SMAD3: variants seen among roughly 807,000 people sequenced by gnomAD.
SMAD3 encodes MAD homolog 3.
A neutral mutation model predicts 51.8 loss-of-function variants in SMAD3; 12 were observed. That is an observed-to-expected ratio of 0.23 (90% CI 0.15 to 0.38). The LOEUF is 0.38. Among genes scored for constraint, SMAD3 ranks in the 10% least tolerant of loss-of-function variants. The pLI, the probability that SMAD3 is intolerant of heterozygous loss-of-function variation, is 1.00. For missense variants in SMAD3, 294 were observed against 565.6 expected (o/e 0.52, Z 4.87); for synonymous variants, 238 against 227.7 (o/e 1.05, Z -0.41).
At chr15:67,170,461 G>A in intron 4 of SMAD3, 93 bp from the exon 5 acceptor site, 1 of 1,033,836 alleles carries the variant, frequency 9.7e-7, no homozygotes, top group South Asian at 1.3e-5. Context: ...CTGCTGTGTT[G>A]GGCTACCCCT....
intron 1 of SMAD3, among the ~76,000 whole-genome samples, chr15:67,144,196 G>C (rs1282837881): frequency 1.3e-5 from 2 of 151,882 alleles, no homozygotes; most frequent in African/African-American, 4.8e-5. Context: ...CTGATCTGCT[G>C]TTATTATACA....
chr15:67,121,217 G>A (rs79503421), intron 1 of SMAD3, among the ~76,000 whole-genome samples: 4,590 of 152,344 alleles, frequency 0.03, 236 homozygotes, highest in African/African-American at 0.11. Context: ...ACCCTCCGGC[G>A]TGGAGCCCAG....
chr15:67,152,903 T>A (rs1029672015), intron 1 of SMAD3, among the ~76,000 whole-genome samples: 1 of 152,184 alleles, frequency 6.6e-6, no homozygotes, highest in Non-Finnish European at 1.5e-5. Context: ...TCCTTCAATA[T>A]TTAACCGTCT....
chr15:67,158,024 C>T lies in SMAD3; in HGVS notation c.207-6871C>T, dbSNP rs7179542. Among the ~76,000 whole-genome samples, 567 of 152,232 alleles carry T rather than the reference C, an allele frequency of 3.7e-3. 8 individuals are homozygous for T. Among genetic ancestry groups the T allele is most frequent in the African/African-American group, 0.013 (532 of 41,526 alleles). On this transcript the variant is annotated intron_variant, in intron 1 of 8. Coordinates refer to ENST00000327367, the MANE Select transcript of SMAD3 (RefSeq NM_005902.4). Reference sequence around the variant, plus strand: ...AGTCATAAATGGGGAGGAGGCCCAACGGCAGGTTCCTGAGACTGTACTCCT... The same window carrying T: ...AGTCATAAATGGGGAGGAGGCCCAATGGCAGGTTCCTGAGACTGTACTCCT...
rs1963345507 is a variant in SMAD3 at position 67,190,885 on chromosome 15, A to T, written c.*349A>T. Reference sequence around the variant, plus strand: ...CAGCTTTCTGGGATGTCACAGTCCAACCAGAAACACCCCTCTGTCTAGGAC... The same window carrying T: ...CAGCTTTCTGGGATGTCACAGTCCATCCAGAAACACCCCTCTGTCTAGGAC... On this transcript the variant is annotated 3_prime_UTR_variant, in exon 9 of 9. Coordinates refer to ENST00000327367, the MANE Select transcript of SMAD3 (RefSeq NM_005902.4). 2.4e-6 allele frequency: 1 copy of T among 408,318 alleles called. No individual in the cohort carries two copies. Among genetic ancestry groups the T allele is most frequent in the Non-Finnish European group, 4.6e-6 (1 of 218,706 alleles). The allele number at this position is 408,318 out of a possible 1,614,324, so 25.3% of individuals were successfully genotyped here.
chr15:67,097,741 A>T (rs568787576), intron 1 of SMAD3, among the ~76,000 whole-genome samples: 2 of 152,274 alleles, frequency 1.3e-5, no homozygotes, highest in African/African-American at 4.8e-5. Flanking sequence ...AATGGTCATG[A>T]TGGTGAAGAA....
intron 5 of SMAD3, among the ~76,000 whole-genome samples, chr15:67,178,401 T>A (rs957202168): frequency 2.0e-5 from 3 of 152,310 alleles, no homozygotes; most frequent in African/African-American, 4.8e-5. Flanking sequence ...GACCCTGTTC[T>A]GTTCTACACA....
Position 67,190,830 on chromosome 15 carries a change from C to A in SMAD3, c.*294C>A, listed in dbSNP as rs1039416327. The stretch of plus-strand genomic sequence containing the variant: ...GAACAGGTAGTATTACACCACCGGC[C>A]CCCTCCCCCCAGACTCTTTTTTTGA... On this transcript the variant is annotated 3_prime_UTR_variant, in exon 9 of 9. Coordinates refer to ENST00000327367, the MANE Select transcript of SMAD3 (RefSeq NM_005902.4). 8.6e-6 allele frequency: 4 copies of A among 467,468 alleles called. No homozygotes were observed. The highest frequency in any genetic ancestry group is 7.7e-5 in the African/African-American group (4 of 52,014). The allele number at this position is 467,468 out of a possible 1,614,324, so 29.0% of individuals were successfully genotyped here. A position where few individuals can be genotyped will look rare whatever the true frequency, so the allele number is the denominator to read the frequency against.
At chr15:67,179,442 A>C (rs1962992985) in intron 5 of SMAD3, among the ~76,000 whole-genome samples, 2 of 151,882 alleles carry the variant, frequency 1.3e-5, no homozygotes, top group African/African-American at 4.8e-5. Context: ...CCCAACAAAG[A>C]ATTATCTGGC....
intron 1 of SMAD3, among the ~76,000 whole-genome samples, chr15:67,107,965 T>TCCCCC (rs138958033): frequency 5.7e-4 from 71 of 124,624 alleles, no homozygotes; most frequent in South Asian, 1.7e-3. Flanking sequence ...TGCTCTCCTC[T>TCCCCC]CCCCCCCACC....
intron 1 of SMAD3, among the ~76,000 whole-genome samples, chr15:67,085,868 GCACACACACACACACACACA>G (rs78357581): frequency 1.0e-5 from 1 of 100,066 alleles, no homozygotes; most frequent in Non-Finnish European, 2.2e-5. Flanking sequence ...AAAAAAGCGT[GCACACACACACACACACACA>G]CACACACACA....
intron 1 of SMAD3, among the ~76,000 whole-genome samples, chr15:67,149,061 A>C (rs909642720): frequency 3.3e-5 from 5 of 152,120 alleles, no homozygotes; most frequent in Non-Finnish European, 7.4e-5. Context: ...GGACTGTAAG[A>C]GTTCGAGGAG....
chr15:67,098,657 T>C, intron 1 of SMAD3: 1 of 546,156 alleles, frequency 1.8e-6, no homozygotes, highest in Non-Finnish European at 3.3e-6. Flanking sequence ...GTTTTTCTCC[T>C]GCCACAGTGA....
intron 1 of SMAD3, among the ~76,000 whole-genome samples, chr15:67,103,525 G>A (rs988009258): frequency 1.3e-5 from 2 of 152,226 alleles, no homozygotes; most frequent in African/African-American, 4.8e-5. Flanking sequence ...GGCTTCTGGG[G>A]TAGGCGCTGT....
chr15:67,159,515 A>T (rs1962370709), intron 1 of SMAD3, among the ~76,000 whole-genome samples: 1 of 152,242 alleles, frequency 6.6e-6, no homozygotes, highest in Non-Finnish European at 1.5e-5. Context: ...ATTTATAAAT[A>T]ATAAGCCTTG....
At chr15:67,188,016 T>G (rs1488470354) in intron 8 of SMAD3, among the ~76,000 whole-genome samples, 1 of 152,040 alleles carries the variant, frequency 6.6e-6, no homozygotes, top group Non-Finnish European at 1.5e-5. Context: ...CTGGTGATGC[T>G]GAGGAGCCCA....
intron 1 of SMAD3, among the ~76,000 whole-genome samples, chr15:67,104,726 C>T (rs2140227984): frequency 6.6e-6 from 1 of 152,392 alleles, no homozygotes; most frequent in Admixed American, 6.5e-5. Flanking sequence ...TGGTCATTGC[C>T]ACACAAGAAA....
chr15:67,080,289 G>T lies in SMAD3; in HGVS notation c.206+13929G>T, dbSNP rs1960253128. 2.0e-5 allele frequency among the ~76,000 whole-genome samples: 3 copies of T among 152,242 alleles called. No homozygotes were observed. In the South Asian group the frequency reaches 6.2e-4, roughly 32 times the overall value. On this transcript the variant is annotated intron_variant, in intron 1 of 8. Transcript: ENST00000327367. Reference sequence around the variant, plus strand: ...GTAATATTTTAAAACTGGACGAGATGTTGAAAACATGGTAAAGTTAGCACT... The same window carrying T: ...GTAATATTTTAAAACTGGACGAGATTTTGAAAACATGGTAAAGTTAGCACT...
intron 2 of SMAD3, 54 bp downstream of exon 2, chr15:67,165,142 TCCCCGGCTCCCCATCC>T: frequency 6.2e-7 from 1 of 1,609,912 alleles, no homozygotes; most frequent in Non-Finnish European, 8.5e-7. Context: ...TCATCACCTC[TCCCCGGCTCCCCATCC>T]CCCCGAGGGT....
Sources: gnomAD v4.1 joint callset for allele counts (sites outside exome capture counted in the v4.1 genomes callset) on GRCh38, gnomAD v4.1.1 for gene constraint, MANE v1.5 for transcripts, NCBI Gene and HGNC (gene_info 2026-07-23, HGNC 2026-07-21) for gene names.